The following VPS13D variants were observed in gnomAD, a reference collection of about 807,000 sequenced individuals.
VPS13D encodes the protein vacuolar protein sorting 13 homolog D, also known as intermembrane lipid transfer protein VPS13D.
VPS13D carries 187 observed loss-of-function variants against 461.9 expected under a neutral mutation model. The observed-to-expected ratio is 0.40, with a 90% CI of 0.36 to 0.46. The LOEUF (loss-of-function observed/expected upper bound fraction) is 0.46, where lower values mean the gene tolerates loss of function less well. Among genes scored for constraint, VPS13D ranks in the 20% least tolerant of loss-of-function variants. VPS13D has a pLI of 0.60. For synonymous variants in VPS13D, 1,951 were observed against 1,986.3 expected (o/e 0.98, Z 0.47); for missense variants, 4,711 against 5,364.9 (o/e 0.88, Z 3.81).
chr1:12,374,990 G>A (rs1167619385), intron 55 of VPS13D, among the ~76,000 whole-genome samples: 3 of 152,154 alleles, frequency 2.0e-5, no homozygotes, highest in African/African-American at 4.8e-5. Context: ...CGCCTGCCTT[G>A]GCCTCCGAAA....
chr1:12,420,727 T>C (rs1644852550), intron 65 of VPS13D, among the ~76,000 whole-genome samples: 1 of 152,220 alleles, frequency 6.6e-6, no homozygotes. Context: ...GCACTTTAAT[T>C]GTATTTCTAC....
intron 37 of VPS13D, among the ~76,000 whole-genome samples, chr1:12,332,510 G>A (rs1643356839): frequency 6.6e-6 from 1 of 152,188 alleles, no homozygotes; most frequent in Non-Finnish European, 1.5e-5. Context: ...AAGATCACAA[G>A]CAGGACAGTC....
At chr1:12,257,839 C>T in intron 9 of VPS13D, 96 bp from the exon 10 acceptor site, 2 of 1,408,532 alleles carry the variant, frequency 1.4e-6, no homozygotes, top group Non-Finnish European at 2.0e-6. Flanking sequence ...AAAGATGTCT[C>T]AGGAGAGGAG....
intron 67 of VPS13D, among the ~76,000 whole-genome samples, chr1:12,468,058 G>A (rs1458814232): frequency 1.3e-5 from 2 of 152,130 alleles, no homozygotes; most frequent in African/African-American, 4.8e-5. Flanking sequence ...TTCTGATTTG[G>A]GGTTATTCCA....
intron 11 of VPS13D, 62 bp from the exon 12 acceptor site, chr1:12,260,886 A>G (rs555141309): frequency 1.9e-6 from 3 of 1,611,834 alleles, no homozygotes; most frequent in Non-Finnish European, 2.5e-6. Context: ...GGGAAACAGC[A>G]GCATATCACA....
intron 30 of VPS13D, among the ~76,000 whole-genome samples, chr1:12,314,983 TAATTA>T (rs1227622017): frequency 1.3e-5 from 2 of 152,240 alleles, no homozygotes; most frequent in Non-Finnish European, 2.9e-5. Context: ...GTAGAGGTAA[TAATTA>T]AAGTAATTCT....
At chr1:12,506,718 G>A in intron 68 of VPS13D, 135 bp from the exon 69 acceptor site, 2 of 1,183,120 alleles carry the variant, frequency 1.7e-6, no homozygotes, top group Admixed American at 5.0e-5. Flanking sequence ...AGAATTTCAG[G>A]ATTTAGAAGT....
At chr1:12,373,095 G>GGTT (rs1238171794) in intron 54 of VPS13D, among the ~76,000 whole-genome samples, 3 of 37,236 alleles carry the variant, frequency 8.1e-5, no homozygotes, top group East Asian at 9.3e-4. Flanking sequence ...GTCTGGCTTG[G>GGTT]TTTTTTTTTT....
At chr1:12,300,942 G>A (rs1479765669) in intron 25 of VPS13D, among the ~76,000 whole-genome samples, 2 of 152,122 alleles carry the variant, frequency 1.3e-5, no homozygotes, top group African/African-American at 4.8e-5. Flanking sequence ...GTTTTAGTGT[G>A]TCAGAAAAGC....
chr1:12,233,320 C>T (rs1640042925), intron 1 of VPS13D, among the ~76,000 whole-genome samples: 1 of 152,130 alleles, frequency 6.6e-6, no homozygotes, highest in Admixed American at 6.6e-5. Context: ...TCATGAATTT[C>T]ATTCAGACAA....
At chr1:12,433,215 A>C (rs1279664233) in intron 65 of VPS13D, among the ~76,000 whole-genome samples, 2 of 151,926 alleles carry the variant, frequency 1.3e-5, no homozygotes, top group African/African-American at 4.8e-5. Context: ...GGTGCTCGAA[A>C]CCTTTGCTTT....
chr1:12,268,910 T>A (rs115903012), intron 16 of VPS13D, 34 bp downstream of exon 16: 734 of 1,588,766 alleles, frequency 4.6e-4, no homozygotes, highest in Non-Finnish European at 6.2e-4. Flanking sequence ...CTTATGTTCC[T>A]TTTGAAAAAC....
At chr1:12,432,122 G>A (rs1308231979) in intron 65 of VPS13D, among the ~76,000 whole-genome samples, 9 of 152,098 alleles carry the variant, frequency 5.9e-5, no homozygotes, top group South Asian at 4.2e-4. Flanking sequence ...AGCCAGGTGC[G>A]GTGGCTTACA....
Position 12,321,808 on chromosome 1 carries a change from G to T in VPS13D, c.7549-1G>T. The stretch of plus-strand genomic sequence containing the variant: ...TCGCCATATTGCATTTCATTCTGTA[G>T]GTGTTTTCATGCCGACTAGGGAATG... On this transcript the variant is annotated splice_acceptor_variant, in intron 32 of 69. Transcript: ENST00000620676. LOFTEE classifies it high-confidence loss of function. The T allele has an allele frequency of 6.3e-7, 1 of 1,599,306 alleles. No individual in the cohort carries two copies.
At chr1:12,363,301 G>A (rs1393387244) in intron 52 of VPS13D, 54 bp downstream of exon 52, 3 of 1,564,616 alleles carry the variant, frequency 1.9e-6, no homozygotes, top group East Asian at 4.5e-5. Flanking sequence ...TTGAGATGCA[G>A]TACTGTAATA....
intron 13 of VPS13D, among the ~76,000 whole-genome samples, 180 bp downstream of exon 13, chr1:12,262,260 T>C (rs1310181322): frequency 6.6e-6 from 1 of 152,220 alleles, no homozygotes; most frequent in African/African-American, 2.4e-5. Flanking sequence ...CCTCTGGTCA[T>C]AACATTCATC....
At chr1:12,348,064 T>C (rs939856906) in intron 44 of VPS13D, among the ~76,000 whole-genome samples, 1 of 152,234 alleles carries the variant, frequency 6.6e-6, no homozygotes, top group African/African-American at 2.4e-5. Flanking sequence ...TGTAGACATG[T>C]CAACAAATAA....
chr1:12,448,974 T>A (rs1645227865), intron 65 of VPS13D, among the ~76,000 whole-genome samples: 1 of 152,200 alleles, frequency 6.6e-6, no homozygotes, highest in Admixed American at 6.5e-5. Flanking sequence ...CTTCCTTGCA[T>A]GTGTTTCAAC....
At chr1:12,312,033 ATGT>A in intron 29 of VPS13D, 108 bp downstream of exon 29, 2 of 878,044 alleles carry the variant, frequency 2.3e-6, no homozygotes, top group Non-Finnish European at 3.5e-6. Context: ...CACAGATGGA[ATGT>A]TGTCTGCAGA....
Sources: allele counts gnomAD v4.1 joint callset (sites outside exome capture counted in the v4.1 genomes callset), GRCh38; gene constraint gnomAD v4.1.1; transcripts MANE v1.5; gene names NCBI Gene and HGNC (gene_info 2026-07-23, HGNC 2026-07-21).